CCDC93: variants seen among roughly 807,000 people sequenced by gnomAD.
CCDC93 encodes the protein coiled-coil domain-containing protein 93.
A neutral mutation model predicts 108.2 loss-of-function variants in CCDC93; 61 were observed. That is an observed-to-expected ratio of 0.56 (90% CI 0.46 to 0.70). The LOEUF (loss-of-function observed/expected upper bound fraction) is 0.70. Among genes scored for constraint, CCDC93 ranks in the 30% least tolerant of loss-of-function variants. The probability of loss-of-function intolerance (pLI) is 0.00; values close to 1 mark genes in which losing one functional copy is unlikely to be tolerated. For synonymous variants in CCDC93, 276 were observed against 260.4 expected (o/e 1.06, Z -0.58); for missense variants, 685 against 764.2 (o/e 0.90, Z 1.22).
chr2:117,952,152 C>T (rs1395356594), intron 13 of CCDC93, among the ~76,000 whole-genome samples: 1 of 151,972 alleles, frequency 6.6e-6, no homozygotes, highest in African/African-American at 2.4e-5. Context: ...CCCCTCCCAC[C>T]AAGACCACTA....
intron 3 of CCDC93, among the ~76,000 whole-genome samples, chr2:118,005,534 T>C (rs571818134): frequency 9.2e-5 from 14 of 152,160 alleles, no homozygotes; most frequent in African/African-American, 2.9e-4. Flanking sequence ...GGCGAGAGGA[T>C]TGCCTGAGCC....
Position 117,943,733 on chromosome 2 carries a change from C to G in CCDC93, c.1413+291G>C, listed in dbSNP as rs180713183. 9.6e-3 allele frequency among the ~76,000 whole-genome samples: 1,460 copies of G among 152,326 alleles called. 14 individuals are homozygous for G. The highest frequency in any genetic ancestry group is 0.015 in the Non-Finnish European group (997 of 68,018). On this transcript the variant is annotated intron_variant, in intron 18 of 23. Coordinates refer to ENST00000376300, the MANE Select transcript of CCDC93 (RefSeq NM_019044.5). ...TCTCACAAACTGCCGGTTATCCAAA[C>G]AAACAAGCCAATTTCTTCATAAAGA...
At chr2:117,921,387 G>A (rs1677865453) in intron 23 of CCDC93, among the ~76,000 whole-genome samples, 2 of 152,096 alleles carry the variant, frequency 1.3e-5, no homozygotes, top group South Asian at 4.2e-4. Context: ...TCCTGCCCTT[G>A]TTCCACTGGC....
At chr2:117,999,266 G>A (rs1680760020) in intron 4 of CCDC93, 1 of 151,946 alleles carries the variant, frequency 6.6e-6, no homozygotes, top group Non-Finnish European at 1.5e-5. Flanking sequence ...TAGCTTCAAG[G>A]GCTGTGTAGC....
intron 4 of CCDC93, chr2:117,998,366 T>C (rs1470365995): frequency 6.6e-6 from 1 of 152,192 alleles, no homozygotes; most frequent in Non-Finnish European, 1.5e-5. Context: ...TACAGGCACA[T>C]GGTGAGTTTC....
At chr2:117,991,992 G>C (rs538795670) in intron 6 of CCDC93, among the ~76,000 whole-genome samples, 1 of 152,250 alleles carries the variant, frequency 6.6e-6, no homozygotes, top group Non-Finnish European at 1.5e-5. Flanking sequence ...GTGGTAGAAG[G>C]GAGGGAGGAA....
chr2:117,949,491 A>T (rs1008959064), intron 13 of CCDC93, 96 bp from the exon 14 acceptor site: 25 of 901,766 alleles, frequency 2.8e-5, no homozygotes, highest in African/African-American at 1.3e-4. Flanking sequence ...ACACTTTTTA[A>T]AGAAGAAACT....
At chr2:117,967,341 C>T (rs1679619763) in intron 11 of CCDC93, among the ~76,000 whole-genome samples, 1 of 152,232 alleles carries the variant, frequency 6.6e-6, no homozygotes, top group Non-Finnish European at 1.5e-5. Context: ...ATGTGGTATT[C>T]TCCAGAAACA....
intron 22 of CCDC93, chr2:117,934,709 T>C (rs997705395): frequency 6.6e-6 from 1 of 152,188 alleles, no homozygotes; most frequent in Non-Finnish European, 1.5e-5. Flanking sequence ...TTCTCATGTG[T>C]TTACATTCTG....
chr2:117,946,952 G>C (rs1573478251), intron 15 of CCDC93, 70 bp from the exon 16 acceptor site: 1 of 1,123,396 alleles, frequency 8.9e-7, no homozygotes, highest in Non-Finnish European at 1.4e-6. Flanking sequence ...TCAACTATTT[G>C]GTCCACAAGT....
At chr2:117,934,340 C>T (rs1466607986) in intron 22 of CCDC93, among the ~76,000 whole-genome samples, 1 of 152,172 alleles carries the variant, frequency 6.6e-6, no homozygotes, top group Admixed American at 6.5e-5. Context: ...CTGCCCTCCA[C>T]CTACTCATAC....
Position 118,009,914 on chromosome 2 carries a change from G to GT in CCDC93, c.43-1257dup, listed in dbSNP as rs747783979. On this transcript the variant is annotated intron_variant, in intron 1 of 23. Coordinates refer to ENST00000376300, the MANE Select transcript of CCDC93 (RefSeq NM_019044.5). The stretch of plus-strand genomic sequence containing the variant: ...TATATCAGTATTTTGCTTTTTTTTT[G>GT]TTTTTTTGTTGCTTTTGTTTTTGTT... Among the ~76,000 whole-genome samples, 120 of 150,514 alleles carry GT rather than the reference G, an allele frequency of 8.0e-4. 2 individuals carry two copies. The highest frequency in any genetic ancestry group is 8.4e-4 in the South Asian group (4 of 4,750).
At chr2:117,927,531 A>G (rs569361457) in intron 23 of CCDC93, among the ~76,000 whole-genome samples, 1 of 152,318 alleles carries the variant, frequency 6.6e-6, no homozygotes, top group Admixed American at 6.5e-5. Flanking sequence ...AAGAGAATAA[A>G]ATATCTAGGA....
At chr2:117,993,010 C>G (rs868389018) in intron 6 of CCDC93, among the ~76,000 whole-genome samples, 1 of 152,108 alleles carries the variant, frequency 6.6e-6, no homozygotes, top group Non-Finnish European at 1.5e-5. Context: ...CTGGCTTTTG[C>G]TCTATGGCCG....
chr2:117,943,778 C>T (rs945833013), intron 18 of CCDC93, among the ~76,000 whole-genome samples: 14 of 152,250 alleles, frequency 9.2e-5, no homozygotes, highest in African/African-American at 3.1e-4. Flanking sequence ...GTAATATCCA[C>T]TCTCCACCTG....
chr2:118,007,831 CCA>C (rs1163685627), intron 2 of CCDC93, among the ~76,000 whole-genome samples: 1 of 152,196 alleles, frequency 6.6e-6, no homozygotes, highest in Non-Finnish European at 1.5e-5. Context: ...ATAAAATAAC[CCA>C]GAGTGATTCT....
chr2:117,941,266 T>A lies in CCDC93; in HGVS notation c.1445A>T (p.His482Leu). 2 of 1,613,962 alleles carry A rather than the reference T, an allele frequency of 1.2e-6. No homozygotes were observed. Among genetic ancestry groups the A allele is most frequent in the Non-Finnish European group, 1.7e-6 (2 of 1,179,874 alleles). Reference sequence around the variant, plus strand: ...GCTAGGGACTTCATCAATCTTGCGGTGCAAAATTGCTATTTCTCGATTTCT... The same window carrying A: ...GCTAGGGACTTCATCAATCTTGCGGAGCAAAATTGCTATTTCTCGATTTCT... ...ARRNREIAIL[H>L]RKIDEVPSRA... is the part of the protein sequence containing the mutation. The change falls in exon 19 of 24, where the codon CAC becomes CTC. Residue 482 changes from histidine to leucine, a missense_variant. Coordinates refer to ENST00000376300, the MANE Select transcript of CCDC93 (RefSeq NM_019044.5).
At chr2:117,941,327 C>T in intron 18 of CCDC93, 30 bp from the exon 19 acceptor site, 2 of 1,581,016 alleles carry the variant, frequency 1.3e-6, no homozygotes, top group Non-Finnish European at 1.7e-6. Context: ...AGAGACAGTA[C>T]TATTTGGTAA....
chr2:117,946,692 T>C, intron 16 of CCDC93, 119 bp downstream of exon 16: 1 of 681,516 alleles, frequency 1.5e-6, no homozygotes. Flanking sequence ...AGGAAAACAG[T>C]TGAGGAATGT....
Sources: allele counts gnomAD v4.1 joint callset (sites outside exome capture counted in the v4.1 genomes callset), GRCh38; gene constraint gnomAD v4.1.1; transcripts MANE v1.5; gene names NCBI Gene and HGNC (gene_info 2026-07-23, HGNC 2026-07-21).